The following SPTLC2 variants were observed in gnomAD, a reference collection of about 807,000 sequenced individuals.
SPTLC2 encodes the protein serine palmitoyltransferase long chain base subunit 2.
A neutral mutation model predicts 62.0 loss-of-function variants in SPTLC2; 21 were observed. The ratio of observed to expected loss-of-function variants is 0.34; its 90% confidence interval spans 0.24 to 0.49. The LOEUF (loss-of-function observed/expected upper bound fraction) is 0.49, where lower values mean the gene tolerates loss of function less well. SPTLC2 is among the 20% of genes least tolerant of loss of function. SPTLC2 has a pLI of 0.99. For missense variants in SPTLC2, 511 were observed against 713.0 expected (o/e 0.72, Z 3.23); for synonymous variants, 261 against 261.8 (o/e 1.00, Z 0.03).
chr14:77,598,344 C>A (rs2079859507), intron 1 of SPTLC2, among the ~76,000 whole-genome samples: 1 of 152,106 alleles, frequency 6.6e-6, no homozygotes, highest in Non-Finnish European at 1.5e-5. Flanking sequence ...AGCATAATTT[C>A]TTTTGTTCTA....
chr14:77,570,637 T>C (rs1701612682), intron 4 of SPTLC2, 129 bp from the exon 5 acceptor site: 1 of 1,054,268 alleles, frequency 9.5e-7, no homozygotes, highest in African/African-American at 1.6e-5. Flanking sequence ...AAGGAGTCAA[T>C]ATTATGAAGA....
chr14:77,529,253 CTTTTTTT>C lies in SPTLC2; in HGVS notation c.1304-7679_1304-7673del, dbSNP rs67561245. Among the ~76,000 whole-genome samples, 1,066 of 122,170 alleles carry C rather than the reference CTTTTTTT, an allele frequency of 8.7e-3. 20 individuals are homozygous for C. Among genetic ancestry groups the C allele is most frequent in the African/African-American group, 0.029 (1,017 of 35,196 alleles). 80.1% of individuals were successfully genotyped at this position (122,170 alleles called of 152,430 possible). On this transcript the variant is annotated intron_variant, in intron 9 of 11. Transcript: ENST00000216484. ...TGAAGTTTCTCTTTGAAAACTTCTT[CTTTTTTT>C]TTTTTTTTTTTTTTTAACAAATATG...
At chr14:77,564,153 A>G (rs919230137) in intron 5 of SPTLC2, among the ~76,000 whole-genome samples, 1 of 151,068 alleles carries the variant, frequency 6.6e-6, no homozygotes, top group South Asian at 2.1e-4. Context: ...CTGCTACACA[A>G]AAGGCTGAGG....
intron 5 of SPTLC2, among the ~76,000 whole-genome samples, chr14:77,569,986 A>G (rs545021093): frequency 6.7e-6 from 1 of 150,114 alleles, no homozygotes; most frequent in African/African-American, 2.4e-5. Context: ...TTAATTTAAA[A>G]AATAAAATCA....
chr14:77,571,508 CAAAAAA>C (rs71128649), intron 4 of SPTLC2, among the ~76,000 whole-genome samples: 1 of 133,400 alleles, frequency 7.5e-6, no homozygotes. Context: ...GACTCTGACT[CAAAAAA>C]AAAAAAAAAA....
At chr14:77,597,107 G>A in intron 2 of SPTLC2, 79 bp downstream of exon 2, 1 of 1,464,076 alleles carries the variant, frequency 6.8e-7, no homozygotes, top group East Asian at 2.4e-5. Flanking sequence ...AAATTTCTGA[G>A]AAAAAGCTTT....
intron 2 of SPTLC2, among the ~76,000 whole-genome samples, chr14:77,591,256 T>C (rs1472979647): frequency 6.6e-6 from 1 of 152,204 alleles, no homozygotes; most frequent in Non-Finnish European, 1.5e-5. Context: ...GAAACATCCA[T>C]TTATATGAAA....
Position 77,558,626 on chromosome 14 carries a change from G to GTT in SPTLC2, c.851-1482_851-1481dup, listed in dbSNP as rs11412876. Among the ~76,000 whole-genome samples, 833 of 143,644 alleles carry GTT rather than the reference G, an allele frequency of 5.8e-3. 12 individuals carry two copies. Among genetic ancestry groups the GTT allele is most frequent in the African/African-American group, 0.017 (674 of 38,930 alleles). 94.2% of individuals were successfully genotyped at this position (143,644 alleles called of 152,430 possible). A position where few individuals can be genotyped will look rare whatever the true frequency, so the allele number is the denominator to read the frequency against. On this transcript the variant is annotated intron_variant, in intron 6 of 11. Coordinates refer to ENST00000216484, the MANE Select transcript of SPTLC2 (RefSeq NM_004863.4). Reference sequence around the variant, plus strand: ...CTGACTCAAAGCCTCCAGTTTTTTTGTTTTTTTTTTTTTGAGACAGAGTCT... The same window carrying GTT: ...CTGACTCAAAGCCTCCAGTTTTTTTGTTTTTTTTTTTTTTTGAGACAGAGTCT...
At position 77,608,473 on chromosome 14, in the gene SPTLC2, ATCT is replaced by A. The variant is rs141397012; in HGVS notation, c.132+7972_132+7974del. On this transcript the variant is annotated intron_variant, in intron 1 of 11. Coordinates refer to ENST00000216484, the MANE Select transcript of SPTLC2 (RefSeq NM_004863.4). ...TTAAGATTTAGCTTATATGCTTTAG[ATCT>A]TTTTTCCATTAAATAAAACATTAAA... is the stretch of plus-strand genomic sequence containing the variant. 7.8e-3 allele frequency among the ~76,000 whole-genome samples: 1,183 copies of A among 152,332 alleles called. 11 individuals are homozygous for A. Among genetic ancestry groups the A allele is most frequent in the African/African-American group, 0.027 (1,133 of 41,562 alleles).
At chr14:77,574,248 A>G (rs1490758457) in intron 4 of SPTLC2, among the ~76,000 whole-genome samples, 3 of 152,180 alleles carry the variant, frequency 2.0e-5, no homozygotes, top group Non-Finnish European at 4.4e-5. Flanking sequence ...TCCTTTGAAA[A>G]CCAAGTAAAT....
chr14:77,572,299 C>A (rs4899659), intron 4 of SPTLC2, among the ~76,000 whole-genome samples: 3 of 152,058 alleles, frequency 2.0e-5, no homozygotes, highest in Middle Eastern at 3.4e-3. Context: ...ACTGGATAAC[C>A]AAGAAATAAA....
At chr14:77,575,225 A>G (rs1020686552) in intron 4 of SPTLC2, among the ~76,000 whole-genome samples, 1 of 152,226 alleles carries the variant, frequency 6.6e-6, no homozygotes. Flanking sequence ...CCATCTATGC[A>G]TCAATCTATC....
intron 1 of SPTLC2, among the ~76,000 whole-genome samples, chr14:77,610,910 T>C (rs1365661390): frequency 7.4e-6 from 1 of 134,770 alleles, no homozygotes; most frequent in Admixed American, 7.5e-5. Context: ...TCTCTTTATA[T>C]ATATATATTT....
intron 4 of SPTLC2, among the ~76,000 whole-genome samples, chr14:77,574,538 T>G (rs2079702910): frequency 6.6e-6 from 1 of 152,172 alleles, no homozygotes; most frequent in African/African-American, 2.4e-5. Context: ...CAAAAACTTG[T>G]ACACCCACGT....
rs190659106 is a variant in SPTLC2, at chr14:77,525,820, G to A, written c.1304-4239C>T. The stretch of plus-strand genomic sequence containing the variant: ...TCCCAGCTACCTGGGAGGCTGAGGC[G>A]AGAGAATGGCATGAACCCAGGAGGC... On this transcript the variant is annotated intron_variant, in intron 9 of 11. Transcript: ENST00000216484. Among the ~76,000 whole-genome samples, 273 of 152,226 alleles carry A rather than the reference G, an allele frequency of 1.8e-3. 1 individual carries two copies. The highest frequency in any genetic ancestry group is 6.8e-3 in the Middle Eastern group (2 of 294).
rs1044345944 is a variant in SPTLC2 at position 77,529,564 on chromosome 14, G to A, written c.1304-7983C>T. ...GAGTAAAGAAAATAGCACAGTGCTAGGCCCAATTAATGTTTGCTTTTTTTC... is the reference window on the plus strand; with the variant it reads ...GAGTAAAGAAAATAGCACAGTGCTAAGCCCAATTAATGTTTGCTTTTTTTC... On this transcript the variant is annotated intron_variant, in intron 9 of 11. Transcript: ENST00000216484. Among the ~76,000 whole-genome samples, 37 of 149,776 alleles carry A rather than the reference G, an allele frequency of 2.5e-4. 1 individual carries two copies. Among genetic ancestry groups the A allele is most frequent in the African/African-American group, 9.0e-4 (37 of 41,176 alleles).
At chr14:77,615,752 G>A (rs2079963064) in intron 1 of SPTLC2, among the ~76,000 whole-genome samples, 1 of 152,202 alleles carries the variant, frequency 6.6e-6, no homozygotes, top group South Asian at 2.1e-4. Flanking sequence ...TCACCACCAG[G>A]CTAAACAATC....
chr14:77,517,661 C>T (rs2079365518), intron 11 of SPTLC2, among the ~76,000 whole-genome samples: 1 of 152,112 alleles, frequency 6.6e-6, no homozygotes, highest in African/African-American at 2.4e-5. Context: ...AGCAATTTTC[C>T]TTTAAATGGA....
At chr14:77,598,811 C>A (rs141891760) in intron 1 of SPTLC2, among the ~76,000 whole-genome samples, 8 of 151,932 alleles carry the variant, frequency 5.3e-5, no homozygotes, top group African/African-American at 1.9e-4. Context: ...GTGGCACATG[C>A]CTGTAGTCCC....
Sources: allele counts gnomAD v4.1 joint callset (sites outside exome capture counted in the v4.1 genomes callset), GRCh38; gene constraint gnomAD v4.1.1; transcripts MANE v1.5; gene names NCBI Gene and HGNC (gene_info 2026-07-23, HGNC 2026-07-21).